Variants in PAF1 observed in about 807,000 individuals in gnomAD.
PAF1 encodes the protein PAF1 component of Paf1/RNA polymerase II complex.
In PAF1, 31 loss-of-function variants were observed where a neutral mutation model predicts 68.4. The observed-to-expected ratio is 0.45, with a 90% confidence interval of 0.34 to 0.61. The LOEUF is 0.61. Ranked by LOEUF, PAF1 falls within the 20% of genes least tolerant of loss-of-function variation. The probability of loss-of-function intolerance (pLI) is 0.01; values close to 1 mark genes in which losing one functional copy is unlikely to be tolerated. For synonymous variants in PAF1, 256 were observed against 240.5 expected (o/e 1.06, Z -0.60); for missense variants, 435 against 692.9 (o/e 0.63, Z 4.18).
chr19:39,388,005 C>G (rs1009300351), intron 11 of PAF1, among the ~76,000 whole-genome samples: 1 of 152,136 alleles, frequency 6.6e-6, no homozygotes, highest in Non-Finnish European at 1.5e-5. Context: ...GCTGGCCATG[C>G]TGGCACACGC....
In PAF1 at chr19:39,389,051, C is replaced by A; in HGVS notation, c.568-36G>T. On this transcript the variant is annotated intron_variant, in intron 7 of 13. Coordinates refer to ENST00000221265, the MANE Select transcript of PAF1 (RefSeq NM_019088.4). The surrounding 1 kb of genome is among the most constrained non-coding windows in gnomAD (Gnocchi z 5.3). Reference sequence around the variant, plus strand: ...AAAAACAAGGTGAGGAGGAGCTCTGCAGCCGCACCCTTGCCTCTCCCCATC... The same window carrying A: ...AAAAACAAGGTGAGGAGGAGCTCTGAAGCCGCACCCTTGCCTCTCCCCATC... 1 of 1,612,912 alleles carries A rather than the reference C, an allele frequency of 6.2e-7. No homozygotes were observed. The highest frequency in any genetic ancestry group is 8.5e-7 in the Non-Finnish European group (1 of 1,178,918).
rs1466629972 is a variant in PAF1, at chr19:39,386,815, T to G, written c.987-16A>C. 1.3e-6 allele frequency: 2 copies of G among 1,577,570 alleles called. No individual in the cohort carries two copies. The highest frequency in any genetic ancestry group is 1.7e-6 in the Non-Finnish European group (2 of 1,146,676). ...AAGGCGGACCCTGCAGGGGGTGAAT[T>G]TGGGAGAGAGAAGTGGAAGATGCAG... On this transcript the variant is annotated splice_polypyrimidine_tract_variant and intron_variant, in intron 11 of 13. Coordinates refer to ENST00000221265, the MANE Select transcript of PAF1 (RefSeq NM_019088.4). The surrounding 1 kb of genome is among the most constrained non-coding windows in gnomAD (Gnocchi z 6.1).
In PAF1 at chr19:39,386,093, G is replaced by A; in HGVS notation, c.1494C>T (p.Arg498=). Residue 498 remains arginine (R), a synonymous_variant, in exon 14 of 14, where the codon CGC becomes CGT. Coordinates refer to ENST00000221265, the MANE Select transcript of PAF1 (RefSeq NM_019088.4). The surrounding 1 kb of genome is among the most constrained non-coding windows in gnomAD (Gnocchi z 6.1). ...TGCCACTGGGGAAGGGACTGGCGCTGCGGCTGTGGCTCCGGCTCCGCTGGC... is the reference window on the plus strand; with the variant it reads ...TGCCACTGGGGAAGGGACTGGCGCTACGGCTGTGGCTCCGGCTCCGCTGGC... ...GGGQRSRSHS[R]SASPFPSGSE... 6.2e-7 allele frequency: 1 copy of A among 1,614,028 alleles called. No individual in the cohort carries two copies. The highest frequency in any genetic ancestry group is 8.5e-7 in the Non-Finnish European group (1 of 1,180,018).
At chr19:39,390,215 A>G (rs544778363) in intron 2 of PAF1, 45 bp downstream of exon 2, 4 of 1,613,308 alleles carry the variant, frequency 2.5e-6, no homozygotes, top group East Asian at 4.5e-5. Context: ...CTCTGCTCCC[A>G]GCCCCACTGC....
Position 39,389,892 on chromosome 19 carries a change from G to A in PAF1, c.171-131C>T. ...TCCCCCATGGCAGAGTCTGAAAGCT[G>A]GCTCCCCAGTGGGAAGGGACTTGGA... On this transcript the variant is annotated intron_variant, in intron 3 of 13. Transcript: ENST00000221265. This position sits in a 1 kb window ranked among gnomAD's most constrained non-coding sequence, Gnocchi z 5.3. 1 of 1,316,674 alleles carries A rather than the reference G, an allele frequency of 7.6e-7. No homozygotes were observed. The highest frequency in any genetic ancestry group is 1.1e-6 in the Non-Finnish European group (1 of 920,218). The allele number at this position is 1,316,674 out of a possible 1,614,324, so 81.6% of individuals were successfully genotyped here.
chr19:39,390,267 G>T lies in PAF1; in HGVS notation c.70C>A (p.Pro24Thr). 1 of 1,613,570 alleles carries T rather than the reference G, an allele frequency of 6.2e-7. No individual in the cohort carries two copies. Among genetic ancestry groups the T allele is most frequent in the Non-Finnish European group, 8.5e-7 (1 of 1,179,714 alleles). Reference sequence around the variant, plus strand: ...AAGCACAGTGGGGCTCACCTCTCAGGCAGAGTCCGGTGGGAATTGGGCCTA... The same window carrying T: ...AAGCACAGTGGGGCTCACCTCTCAGTCAGAGTCCGGTGGGAATTGGGCCTA... ...GHRPNSHRTL[P>T]ERSGVVCRVK... The change falls in exon 2 of 14, where the codon CCT (proline) becomes ACT (threonine). Residue 24 changes from proline (P) to threonine (T), a missense_variant. Physicochemically the swap from Pro to Thr is conservative, Grantham distance 38. Coordinates refer to ENST00000221265, the MANE Select transcript of PAF1 (RefSeq NM_019088.4).
rs758936359 is a variant in PAF1, at chr19:39,386,577, A to C, written c.1093-5T>G. On this transcript the variant is annotated splice_region_variant and splice_polypyrimidine_tract_variant and intron_variant, in intron 12 of 13. Coordinates refer to ENST00000221265, the MANE Select transcript of PAF1 (RefSeq NM_019088.4). This position sits in a 1 kb window ranked among gnomAD's most constrained non-coding sequence, Gnocchi z 6.1. ...TAGCTGGGCCTTCCGTGCCTCCTGGAAGCAGCAAGATTGGAATGAGGGGAA... is the reference window on the plus strand; with the variant it reads ...TAGCTGGGCCTTCCGTGCCTCCTGGCAGCAGCAAGATTGGAATGAGGGGAA... The C allele has an allele frequency of 6.2e-7, 1 of 1,613,854 alleles. No individual in the cohort carries two copies. Among genetic ancestry groups the C allele is most frequent in the South Asian group, 1.1e-5 (1 of 91,076 alleles).
rs2078342125 is a variant in PAF1 at position 39,390,059 on chromosome 19, T to G, written c.170+10A>C. On this transcript the variant is annotated intron_variant, in intron 3 of 13. Coordinates refer to ENST00000221265, the MANE Select transcript of PAF1 (RefSeq NM_019088.4). ...CATACCTGAGTAGTTTTCCCATTCCTTAGTCTCACCTGTTCTGGTCGAAGG... is the reference window on the plus strand; with the variant it reads ...CATACCTGAGTAGTTTTCCCATTCCGTAGTCTCACCTGTTCTGGTCGAAGG... The G allele has an allele frequency of 1.9e-6, 3 of 1,605,948 alleles. No individual in the cohort carries two copies. Among genetic ancestry groups the G allele is most frequent in the Non-Finnish European group, 2.6e-6 (3 of 1,172,676 alleles).
At position 39,385,781 on chromosome 19, in the gene PAF1, T is replaced by C; in HGVS notation, c.*210A>G. 1 of 688,304 alleles carries C rather than the reference T, an allele frequency of 1.5e-6. No homozygotes were observed. Among genetic ancestry groups the C allele is most frequent in the Non-Finnish European group, 2.4e-6 (1 of 418,074 alleles). 42.6% of individuals were successfully genotyped at this position (688,304 alleles called of 1,614,324 possible). A position where few individuals can be genotyped will look rare whatever the true frequency, so the allele number is the denominator to read the frequency against. On this transcript the variant is annotated 3_prime_UTR_variant, in exon 14 of 14. Coordinates refer to ENST00000221265, the MANE Select transcript of PAF1 (RefSeq NM_019088.4). ...TGTGTTTCTAAGCCTCAAGCCAAGA[T>C]CCTTGAGCACCTGGGGGTTGCGGGA...
chr19:39,390,745 G>A, intron 1 of PAF1, 73 bp downstream of exon 1: 2 of 1,461,320 alleles, frequency 1.4e-6, no homozygotes, highest in Non-Finnish European at 1.9e-6. Context: ...AGACCTGGGG[G>A]CTGGTGACGT....
In PAF1 at chr19:39,386,368, CCTTCTCACTGCTGCTGCCCTT is replaced by C; in HGVS notation, c.1198_1218del (p.Lys400_Lys406del). 1.2e-6 allele frequency: 2 copies of C among 1,614,192 alleles called. No homozygotes were observed. Among genetic ancestry groups the C allele is most frequent in the Non-Finnish European group, 1.7e-6 (2 of 1,180,028 alleles). On this transcript the variant is annotated inframe_deletion, in exon 14 of 14. Coordinates refer to ENST00000221265, the MANE Select transcript of PAF1 (RefSeq NM_019088.4). The surrounding 1 kb of genome is among the most constrained non-coding windows in gnomAD (Gnocchi z 6.1). Reference sequence around the variant, plus strand: ...CCCGAGTGCTCATCTTCACTGCCCTCCTTCTCACTGCTGCTGCCCTTCTCCTGCTCCTCATCTGGAAGGGAG... The same window carrying C: ...CCCGAGTGCTCATCTTCACTGCCCTCCTCCTGCTCCTCATCTGGAAGGGAG...
chr19:39,390,400 C>A, intron 1 of PAF1, 111 bp from the exon 2 acceptor site: 2 of 1,023,714 alleles, frequency 2.0e-6, no homozygotes. Flanking sequence ...ATGCTGGTTT[C>A]TTTGGGTGGT....
Position 39,389,845 on chromosome 19 carries a change from G to C in PAF1, c.171-84C>G. 6.4e-7 allele frequency: 1 copy of C among 1,572,658 alleles called. No individual in the cohort carries two copies. Among genetic ancestry groups the C allele is most frequent in the Non-Finnish European group, 8.7e-7 (1 of 1,145,114 alleles). On this transcript the variant is annotated intron_variant, in intron 3 of 13. Coordinates refer to ENST00000221265, the MANE Select transcript of PAF1 (RefSeq NM_019088.4). This position sits in a 1 kb window ranked among gnomAD's most constrained non-coding sequence, Gnocchi z 5.3. ...GCTTCCCAGAGGCGGAGCTTCTCTG[G>C]GGAGGAACTCAGAATGAAGTGTCCC...
In PAF1 at chr19:39,388,361, A is replaced by C; in HGVS notation, c.964T>G (p.Tyr322Asp). ...FFIFREGDGVYYNELETRVRL... is the reference protein window; with the variant it reads ...FFIFREGDGVDYNELETRVRL... Reference sequence around the variant, plus strand: ...TACCTGGTTTCCAACTCATTGTAGTAAACCCCGTCACCCTCTCGGAAGATG... The same window carrying C: ...TACCTGGTTTCCAACTCATTGTAGTCAACCCCGTCACCCTCTCGGAAGATG... The change falls in exon 11 of 14, where the codon TAC becomes GAC. Residue 322 changes from tyrosine (Y) to aspartate (D), a missense_variant. Physicochemically the swap from Tyr to Asp is radical, Grantham distance 160. This residue lies in a region of PAF1 where 151 missense variants were observed against 306.3 expected (regional missense o/e 0.49). Coordinates refer to ENST00000221265, the MANE Select transcript of PAF1 (RefSeq NM_019088.4). The C allele has an allele frequency of 6.2e-7, 1 of 1,614,138 alleles. No individual in the cohort carries two copies. The highest frequency in any genetic ancestry group is 8.5e-7 in the Non-Finnish European group (1 of 1,180,000).
Position 39,385,780 on chromosome 19 carries a change from A to G in PAF1, c.*211T>C. On this transcript the variant is annotated 3_prime_UTR_variant, in exon 14 of 14. Transcript: ENST00000221265. ...CTGTGTTTCTAAGCCTCAAGCCAAG[A>G]TCCTTGAGCACCTGGGGGTTGCGGG... 1 of 681,404 alleles carries G rather than the reference A, an allele frequency of 1.5e-6. No individual in the cohort carries two copies. The highest frequency in any genetic ancestry group is 2.4e-6 in the Non-Finnish European group (1 of 412,252). 42.2% of individuals were successfully genotyped at this position (681,404 alleles called of 1,614,324 possible).
rs1216240463 is a variant in PAF1, at chr19:39,391,003, G to C, written c.-139C>G. 4 of 828,854 alleles carry C rather than the reference G, an allele frequency of 4.8e-6. No individual in the cohort carries two copies. Among genetic ancestry groups the C allele is most frequent in the Non-Finnish European group, 3.7e-6 (2 of 535,510 alleles). The allele number at this position is 828,854 out of a possible 1,614,324, so 51.3% of individuals were successfully genotyped here. On this transcript the variant is annotated 5_prime_UTR_variant, in exon 1 of 14. Coordinates refer to ENST00000221265, the MANE Select transcript of PAF1 (RefSeq NM_019088.4). ...CTCCCCGCGGAAAGTGGGTTGAGAT[G>C]AGGTGGGCGGGCGAGAAGAGCTCCA...
chr19:39,387,855 T>C, intron 11 of PAF1, among the ~76,000 whole-genome samples: 1 of 152,216 alleles, frequency 6.6e-6, no homozygotes, highest in East Asian at 1.9e-4. Flanking sequence ...TAAGATATTC[T>C]GGCTGGGCGT....
chr19:39,388,723 A>T lies in PAF1; in HGVS notation c.740+39T>A. ...GCAATGAAGTGTGAGGACAAGAGGC[A>T]GCAAGGAGCAGGCCAAGGTGGACAG... On this transcript the variant is annotated intron_variant, in intron 9 of 13. Transcript: ENST00000221265. 1.9e-6 allele frequency: 3 copies of T among 1,606,716 alleles called. No homozygotes were observed. The East Asian group carries it at 6.7e-5, about 36-fold the overall frequency.
At chr19:39,387,245 A>T in intron 11 of PAF1, 1 of 403,630 alleles carries the variant, frequency 2.5e-6, no homozygotes, top group Non-Finnish European at 5.0e-6. Flanking sequence ...CAATTGTAAT[A>T]CAATAGTAAG....
Sources: allele counts gnomAD v4.1 joint callset (sites outside exome capture counted in the v4.1 genomes callset), GRCh38; gene constraint gnomAD v4.1.1; regional missense constraint gnomAD v4.1.1; non-coding constraint Gnocchi (gnomAD v3.1); transcripts MANE v1.5; gene names NCBI Gene and HGNC (gene_info 2026-07-23, HGNC 2026-07-21).